The following JPH2 variants were observed in gnomAD, a reference collection of about 807,000 sequenced individuals.
JPH2 encodes the protein junctophilin 2, also known as junctophilin-2.
In JPH2, 38 loss-of-function variants were observed where a neutral mutation model predicts 55.9. The observed-to-expected ratio is 0.68, with a 90% CI of 0.52 to 0.89. The LOEUF (loss-of-function observed/expected upper bound fraction) is 0.89, where lower values mean the gene tolerates loss of function less well. Ranked by LOEUF, JPH2 falls within the 40% of genes least tolerant of loss-of-function variation. The pLI, the probability that JPH2 is intolerant of heterozygous loss-of-function variation, is 0.00. For missense variants in JPH2, 964 were observed against 1,037.6 expected (o/e 0.93, Z 0.97); for synonymous variants, 480 against 472.4 (o/e 1.02, Z -0.21).
chr20:44,178,908 T>C lies in JPH2; in HGVS notation c.379+7419A>G, dbSNP rs1280446843. Among the ~76,000 whole-genome samples, 3 of 152,196 alleles carry C rather than the reference T, an allele frequency of 2.0e-5. No homozygotes were observed. The South Asian group carries it at 6.2e-4, about 32-fold the overall frequency. On this transcript the variant is annotated intron_variant, in intron 1 of 5. Coordinates refer to ENST00000372980, the MANE Select transcript of JPH2 (RefSeq NM_020433.5). Reference sequence around the variant, plus strand: ...GAACATGTATCACAGGCCCAGAGAATGTGATACCAGGTACTTACTGCTCAG... The same window carrying C: ...GAACATGTATCACAGGCCCAGAGAACGTGATACCAGGTACTTACTGCTCAG...
chr20:44,152,010 G>A (rs2145872835), intron 2 of JPH2, among the ~76,000 whole-genome samples: 1 of 152,208 alleles, frequency 6.6e-6, no homozygotes, highest in East Asian at 1.9e-4. Context: ...TCTTTCTGTT[G>A]GACCCCATCA....
chr20:44,156,877 C>G (rs2072569727), intron 2 of JPH2, among the ~76,000 whole-genome samples: 2 of 152,226 alleles, frequency 1.3e-5, no homozygotes, highest in Admixed American at 1.3e-4. Flanking sequence ...CCCATACCTT[C>G]TGTCCCCTTC....
intron 1 of JPH2, among the ~76,000 whole-genome samples, chr20:44,186,011 C>G (rs1044007362): frequency 1.3e-5 from 2 of 152,096 alleles, no homozygotes; most frequent in African/African-American, 4.8e-5. Flanking sequence ...TATTCCATGG[C>G]TGTTTATGTT....
intron 1 of JPH2, among the ~76,000 whole-genome samples, chr20:44,168,088 A>G (rs950430990): frequency 6.6e-6 from 1 of 152,166 alleles, no homozygotes. Context: ...AGTGCCTAGG[A>G]TATAGTAAGT....
chr20:44,131,522 A>G (rs2072318804), intron 2 of JPH2, among the ~76,000 whole-genome samples: 1 of 152,158 alleles, frequency 6.6e-6, no homozygotes, highest in Non-Finnish European at 1.5e-5. Context: ...AACTAACACA[A>G]TGGGGATAAT....
intron 1 of JPH2, among the ~76,000 whole-genome samples, chr20:44,163,781 G>A (rs966405034): frequency 3.3e-5 from 5 of 152,170 alleles, no homozygotes; most frequent in African/African-American, 1.2e-4. Context: ...TGATCCTTGG[G>A]CTTTACCACC....
chr20:44,184,789 G>GT (rs1201176222), intron 1 of JPH2, among the ~76,000 whole-genome samples: 21 of 152,192 alleles, frequency 1.4e-4, no homozygotes, highest in African/African-American at 4.8e-4. Context: ...CCTCACAAAC[G>GT]TAACTGTCCT....
intron 2 of JPH2, among the ~76,000 whole-genome samples, chr20:44,153,513 G>C (rs2145873970): frequency 6.6e-6 from 1 of 152,336 alleles, no homozygotes; most frequent in Middle Eastern, 3.4e-3. Context: ...CAGCTTCGGA[G>C]TTTCCAGAGC....
At chr20:44,145,435 G>T (rs577592571) in intron 2 of JPH2, among the ~76,000 whole-genome samples, 2 of 152,100 alleles carry the variant, frequency 1.3e-5, no homozygotes, top group South Asian at 4.2e-4. Context: ...TGAAACCCCC[G>T]TCTCTACGAA....
In JPH2 at chr20:44,120,783, G is replaced by A. The variant is rs529720532; in HGVS notation, c.1170-2160C>T. On this transcript the variant is annotated intron_variant, in intron 2 of 5. Coordinates refer to ENST00000372980, the MANE Select transcript of JPH2 (RefSeq NM_020433.5). Reference sequence around the variant, plus strand: ...AAAAATCCCATAACATTTTAATAGAGTTTACGAATTCGTGTTGGGCCACAT... The same window carrying A: ...AAAAATCCCATAACATTTTAATAGAATTTACGAATTCGTGTTGGGCCACAT... Among the ~76,000 whole-genome samples, 3 of 152,176 alleles carry A rather than the reference G, an allele frequency of 2.0e-5. No homozygotes were observed. The East Asian group carries it at 5.8e-4, about 29-fold the overall frequency.
At chr20:44,180,886 T>A (rs1314911356) in intron 1 of JPH2, among the ~76,000 whole-genome samples, 5 of 150,732 alleles carry the variant, frequency 3.3e-5, no homozygotes, top group African/African-American at 1.2e-4. Context: ...CACTAAGGAC[T>A]CTAGGAGGTC....
rs781753927 is a variant in JPH2, at chr20:44,118,658, T to C, written c.1170-35A>G. On this transcript the variant is annotated intron_variant, in intron 2 of 5. Transcript: ENST00000372980. ...CAATGTGGCAGAAGACTCAGGATCC[T>C]TCCAGAGAACCAGCCTTCTGCCCCT... 3.2e-6 allele frequency: 5 copies of C among 1,547,330 alleles called. No homozygotes were observed. In the East Asian group the frequency reaches 1.1e-4, roughly 35 times the overall value.
chr20:44,133,918 T>TA (rs5841546), intron 2 of JPH2, among the ~76,000 whole-genome samples: 1,728 of 32,906 alleles, frequency 0.053, 135 homozygotes, highest in East Asian at 0.16. Context: ...ATATACATTA[T>TA]AATATATAAA....
chr20:44,157,634 A>T (rs2072575141), intron 2 of JPH2, among the ~76,000 whole-genome samples: 1 of 152,160 alleles, frequency 6.6e-6, no homozygotes, highest in Non-Finnish European at 1.5e-5. Context: ...TATAGATGAG[A>T]TCATTGAGAT....
intron 1 of JPH2, among the ~76,000 whole-genome samples, chr20:44,168,446 T>A (rs1600863187): frequency 6.6e-6 from 1 of 152,228 alleles, no homozygotes; most frequent in African/African-American, 2.4e-5. Context: ...CTACTAAAAA[T>A]TTTTAAGTTA....
At chr20:44,123,620 G>T (rs1394734670) in intron 2 of JPH2, among the ~76,000 whole-genome samples, 1 of 152,202 alleles carries the variant, frequency 6.6e-6, no homozygotes, top group Non-Finnish European at 1.5e-5. Flanking sequence ...CGGAATGACT[G>T]TGGCTGGGAG....
At chr20:44,149,140 C>A (rs1056234073) in intron 2 of JPH2, among the ~76,000 whole-genome samples, 1 of 152,054 alleles carries the variant, frequency 6.6e-6, no homozygotes, top group Non-Finnish European at 1.5e-5. Context: ...ACTAACCATG[C>A]CCCAGGCTTC....
chr20:44,160,252 A>G lies in JPH2; in HGVS notation c.535T>C (p.Ser179Pro), dbSNP rs1272379812. The G allele has an allele frequency of 2.0e-6, 3 of 1,516,628 alleles. No homozygotes were observed. The highest frequency in any genetic ancestry group is 2.6e-6 in the Non-Finnish European group (3 of 1,136,622). The allele number at this position is 1,516,628 out of a possible 1,614,324, so 93.9% of individuals were successfully genotyped here. Residue 179 changes from serine to proline, a missense_variant, in exon 2 of 6, where the codon TCT (serine) becomes CCT (proline). Coordinates refer to ENST00000372980, the MANE Select transcript of JPH2 (RefSeq NM_020433.5). This position sits in a 1 kb window ranked among gnomAD's most constrained non-coding sequence, Gnocchi z 4.9. ...CCGTCGGAGGCCGGCGAGGCGGGAGAGTCCGGGGCCACCGTGCCGTTGCTG... is the reference window on the plus strand; with the variant it reads ...CCGTCGGAGGCCGGCGAGGCGGGAGGGTCCGGGGCCACCGTGCCGTTGCTG... Reference protein sequence around the residue: ...EHSNGTVAPDSPASPASDGPA... With the variant: ...EHSNGTVAPDPPASPASDGPA...
intron 1 of JPH2, among the ~76,000 whole-genome samples, chr20:44,165,722 A>G (rs1422050986): frequency 6.6e-6 from 1 of 152,064 alleles, no homozygotes; most frequent in Admixed American, 6.6e-5. Context: ...GCTGCTGCAC[A>G]GGGGCCATGG....
Sources: gnomAD v4.1 joint callset for allele counts (sites outside exome capture counted in the v4.1 genomes callset) on GRCh38, gnomAD v4.1.1 for gene constraint, Gnocchi (gnomAD v3.1) non-coding constraint, MANE v1.5 for transcripts, NCBI Gene and HGNC (gene_info 2026-07-23, HGNC 2026-07-21) for gene names.